ACER3: variants seen among roughly 807,000 people sequenced by gnomAD.
ACER3 encodes alkaline ceramidase 3, also known as alkCDase 3.
Under a neutral mutation model 48.9 loss-of-function variants are expected in ACER3, and 16 were observed. The ratio of observed to expected loss-of-function variants is 0.33; its 90% confidence interval spans 0.22 to 0.50. The LOEUF (loss-of-function observed/expected upper bound fraction) is 0.50, where lower values mean the gene tolerates loss of function less well. ACER3 is among the 20% of genes least tolerant of loss of function. The pLI is 0.98. For synonymous variants in ACER3, 109 were observed against 107.8 expected, an observed-to-expected ratio of 1.01 and a Z score of -0.07; for missense variants, 227 against 326.0, an observed-to-expected ratio of 0.70 and a Z score of 2.34.
chr11:76,985,757 A>C (rs755231048), intron 5 of ACER3, 33 bp downstream of exon 5: 4 of 1,268,012 alleles, frequency 3.2e-6, no homozygotes, highest in Admixed American at 5.4e-5. Context: ...CAGATTAAGC[A>C]TGTAAATTCA....
chr11:76,938,970 T>TAAAAAAA lies in ACER3; in HGVS notation c.214+12305_214+12311dup, dbSNP rs57652669. On this transcript the variant is annotated intron_variant, in intron 2 of 10. Transcript: ENST00000532485. ...ATCTTGTCAGAAAGTAAGAAAGTGC[T>TAAAAAAA]AAAAAAAATGAAGGAATCATGTCAA... is the stretch of plus-strand genomic sequence containing the variant. Among the ~76,000 whole-genome samples the TAAAAAAA allele has an allele frequency of 1.3e-4, 18 of 143,344 alleles. 2 individuals carry two copies. Among genetic ancestry groups the TAAAAAAA allele is most frequent in the African/African-American group, 2.3e-4 (9 of 38,646 alleles). The allele number at this position is 143,344 out of a possible 152,430, so 94.0% of individuals were successfully genotyped here. A position where few individuals can be genotyped will look rare whatever the true frequency, so the allele number is the denominator to read the frequency against.
At chr11:77,012,007 A>G (rs1949275458) in intron 7 of ACER3, among the ~76,000 whole-genome samples, 1 of 152,222 alleles carries the variant, frequency 6.6e-6, no homozygotes, top group Non-Finnish European at 1.5e-5. Flanking sequence ...AAAATCAAGA[A>G]TAAAACTAGA....
chr11:76,988,492 A>G (rs1948731063), intron 5 of ACER3, among the ~76,000 whole-genome samples: 2 of 152,146 alleles, frequency 1.3e-5, no homozygotes, highest in Non-Finnish European at 2.9e-5. Flanking sequence ...GTGGCAGGAG[A>G]AAGAAGTGCA....
intron 1 of ACER3, among the ~76,000 whole-genome samples, chr11:76,911,851 G>T (rs1237916918): frequency 6.6e-6 from 1 of 152,142 alleles, no homozygotes; most frequent in East Asian, 1.9e-4. Context: ...GTGAGATTTG[G>T]CAAGGGGAAT....
rs572717608 is a variant in ACER3, at chr11:77,015,773, A to G, written c.599+656A>G. Among the ~76,000 whole-genome samples the G allele has an allele frequency of 2.6e-5, 4 of 152,296 alleles. No individual in the cohort carries two copies. The East Asian group carries it at 7.7e-4, about 29-fold the overall frequency. Reference sequence around the variant, plus strand: ...CAATCAACAAAATTCAGACTGTGAGAAATCTACAGAATGAATGACCTGGTC... The same window carrying G: ...CAATCAACAAAATTCAGACTGTGAGGAATCTACAGAATGAATGACCTGGTC... On this transcript the variant is annotated intron_variant, in intron 8 of 10. Coordinates refer to ENST00000532485, the MANE Select transcript of ACER3 (RefSeq NM_018367.7).
chr11:77,016,484 C>A (rs1340338521), intron 8 of ACER3, among the ~76,000 whole-genome samples, 191 bp from the exon 9 acceptor site: 1 of 152,052 alleles, frequency 6.6e-6, no homozygotes, highest in Non-Finnish European at 1.5e-5. Context: ...ACAGATTGAC[C>A]ATAAATTATC....
Position 77,022,084 on chromosome 11 carries a change from G to A in ACER3, c.*1757G>A, listed in dbSNP as rs143338837. Reference sequence around the variant, plus strand: ...CCTGCAGTTACCTGGGCTATCGGCCGTGATACATTTTTTAATTCATTTGTT... The same window carrying A: ...CCTGCAGTTACCTGGGCTATCGGCCATGATACATTTTTTAATTCATTTGTT... On this transcript the variant is annotated 3_prime_UTR_variant, in exon 11 of 11. Coordinates refer to ENST00000532485, the MANE Select transcript of ACER3 (RefSeq NM_018367.7). 2.8e-3 allele frequency: 420 copies of A among 152,280 alleles called. 1 individual carries two copies. The highest frequency in any genetic ancestry group is 4.4e-3 in the Non-Finnish European group (297 of 68,028). 9.4% of individuals were successfully genotyped at this position (152,280 alleles called of 1,614,324 possible).
chr11:76,904,238 G>A (rs1021579132), intron 1 of ACER3, among the ~76,000 whole-genome samples: 2 of 151,822 alleles, frequency 1.3e-5, no homozygotes, highest in Non-Finnish European at 2.9e-5. Flanking sequence ...CCCCACCTGC[G>A]ACCCTGCCCC....
rs553776534 is a variant in ACER3, at chr11:76,864,144, G to A, written c.103+3065G>A. ...TAGTTCTCAGTCACTTTCAGCACCC[G>A]AAAACTGTCTTCCTAGCATCAGCCA... On this transcript the variant is annotated intron_variant, in intron 1 of 10. Coordinates refer to ENST00000532485, the MANE Select transcript of ACER3 (RefSeq NM_018367.7). 4.6e-5 allele frequency among the ~76,000 whole-genome samples: 7 copies of A among 152,268 alleles called. No homozygotes were observed. In the South Asian group the frequency reaches 8.3e-4, roughly 18 times the overall value.
At chr11:76,864,278 C>T (rs1945017735) in intron 1 of ACER3, among the ~76,000 whole-genome samples, 1 of 152,196 alleles carries the variant, frequency 6.6e-6, no homozygotes, top group Non-Finnish European at 1.5e-5. Flanking sequence ...GAGGTACAGG[C>T]AGTCCTTGCT....
intron 1 of ACER3, among the ~76,000 whole-genome samples, chr11:76,885,472 C>G (rs1437225970): frequency 6.6e-6 from 1 of 152,138 alleles, no homozygotes. Flanking sequence ...AGTTTTTATA[C>G]TCAGTTTCCT....
chr11:76,964,465 G>T (rs971823825), intron 3 of ACER3, among the ~76,000 whole-genome samples: 11 of 151,292 alleles, frequency 7.3e-5, no homozygotes, highest in Non-Finnish European at 1.6e-4. Context: ...GAAGAGAGTA[G>T]TGGTTCTCCC....
Position 77,020,689 on chromosome 11 carries a change from T to A in ACER3, c.*362T>A, listed in dbSNP as rs1275145437. 1.0e-5 allele frequency: 2 copies of A among 194,244 alleles called. No individual in the cohort carries two copies. The highest frequency in any genetic ancestry group is 4.7e-5 in the African/African-American group (2 of 42,396). 12.0% of individuals were successfully genotyped at this position (194,244 alleles called of 1,614,324 possible). A position where few individuals can be genotyped will look rare whatever the true frequency, so the allele number is the denominator to read the frequency against. On this transcript the variant is annotated 3_prime_UTR_variant, in exon 11 of 11. Coordinates refer to ENST00000532485, the MANE Select transcript of ACER3 (RefSeq NM_018367.7). ...TTTTTGCCAAGGGTTGCATGTGAAT[T>A]ATACCTTTCTTAATATTTGATTAAA...
rs1949458933 is a variant in ACER3, at chr11:77,020,731, G to A, written c.*404G>A. 6.0e-6 allele frequency: 1 copy of A among 168,028 alleles called. No homozygotes were observed. The highest frequency in any genetic ancestry group is 6.0e-5 in the Admixed American group (1 of 16,636). 10.4% of individuals were successfully genotyped at this position (168,028 alleles called of 1,614,324 possible). On this transcript the variant is annotated 3_prime_UTR_variant, in exon 11 of 11. Transcript: ENST00000532485. ...TTGATTAAATAATGCAGTCAGCTAAGAGCCAACAAAACCCCATATCCAGAT... is the reference window on the plus strand; with the variant it reads ...TTGATTAAATAATGCAGTCAGCTAAAAGCCAACAAAACCCCATATCCAGAT...
chr11:76,862,291 A>C (rs903976086), intron 1 of ACER3, among the ~76,000 whole-genome samples: 2 of 152,202 alleles, frequency 1.3e-5, no homozygotes, highest in African/African-American at 2.4e-5. Context: ...GTTTCAAAAA[A>C]AAAAAAAAAG....
chr11:76,973,443 G>T (rs1487663929), intron 3 of ACER3, among the ~76,000 whole-genome samples: 1 of 152,112 alleles, frequency 6.6e-6, no homozygotes, highest in East Asian at 1.9e-4. Context: ...GACCCCAGGG[G>T]TGCTCGCTCT....
intron 1 of ACER3, among the ~76,000 whole-genome samples, chr11:76,893,483 T>G (rs1945857282): frequency 6.6e-6 from 1 of 152,202 alleles, no homozygotes; most frequent in South Asian, 2.1e-4. Context: ...TACAAACTAC[T>G]TAATTTTGAT....
At chr11:76,892,887 G>T (rs912557736) in intron 1 of ACER3, among the ~76,000 whole-genome samples, 2 of 152,076 alleles carry the variant, frequency 1.3e-5, no homozygotes, top group Non-Finnish European at 2.9e-5. Flanking sequence ...CCTGTTTGTG[G>T]ATGACGTGAC....
intron 2 of ACER3, among the ~76,000 whole-genome samples, chr11:76,935,232 G>C (rs761883127): frequency 1.3e-5 from 2 of 152,040 alleles, no homozygotes; most frequent in African/African-American, 4.8e-5. Flanking sequence ...GAGAGAAAAG[G>C]ATTGAAATGG....
Sources: gnomAD v4.1 joint callset for allele counts (sites outside exome capture counted in the v4.1 genomes callset) on GRCh38, gnomAD v4.1.1 for gene constraint, MANE v1.5 for transcripts, NCBI Gene and HGNC (gene_info 2026-07-23, HGNC 2026-07-21) for gene names.